Variants in LARP4B observed in about 807,000 individuals in gnomAD.
LARP4B encodes the protein la-related protein 4B.
Under a neutral mutation model 89.8 loss-of-function variants are expected in LARP4B, and 12 were observed. That is an observed-to-expected ratio of 0.13 (90% CI 0.09 to 0.22). The LOEUF is 0.22. LARP4B is among the 10% of genes least tolerant of loss of function. The pLI, the probability that LARP4B is intolerant of heterozygous loss-of-function variation, is 1.00. For missense variants in LARP4B, 757 were observed against 947.7 expected, an observed-to-expected ratio of 0.80 and a Z score of 2.64; for synonymous variants, 367 against 363.3, an observed-to-expected ratio of 1.01 and a Z score of -0.12.
chr10:813,013 CCTCTGGT>C lies in LARP4B; in HGVS notation c.2123_2129del (p.Asp708GlyfsTer43). 6.2e-7 allele frequency: 1 copy of C among 1,604,586 alleles called. No individual in the cohort carries two copies. The highest frequency in any genetic ancestry group is 8.5e-7 in the Non-Finnish European group (1 of 1,177,908). On this transcript the variant is annotated frameshift_variant, in exon 18 of 18. Coordinates refer to ENST00000316157, the MANE Select transcript of LARP4B (RefSeq NM_015155.3). LOFTEE classifies it high-confidence loss of function. ...GCGAGGGCCGGCCCCCCGCCGGCCG[CCTCTGGT>C]CTCTGGGGGCTCCAGGTGTGGACTT... is the stretch of plus-strand genomic sequence containing the variant.
the LARP4B span, among the ~76,000 whole-genome samples, chr10:961,869 CTG>C: frequency 3.3e-5 from 5 of 152,204 alleles, no homozygotes; most frequent in Non-Finnish European, 7.3e-5. Flanking sequence ...ACCTCCAACA[CTG>C]GGGATCATAT....
At chr10:894,539 T>C (rs2131965639) in intron 1 of LARP4B, among the ~76,000 whole-genome samples, 1 of 152,258 alleles carries the variant, frequency 6.6e-6, no homozygotes, top group East Asian at 1.9e-4. Flanking sequence ...GAAAAACTTT[T>C]AAGGTTGCCT....
chr10:932,866 C>T (rs1255686111), upstream of LARP4B, among the ~76,000 whole-genome samples: 1 of 151,300 alleles, frequency 6.6e-6, no homozygotes, highest in African/African-American at 2.4e-5. Context: ...ATCCCCAACC[C>T]CACACCTGGG....
chr10:949,601 C>T, the LARP4B span, among the ~76,000 whole-genome samples: 7 of 152,262 alleles, frequency 4.6e-5, no homozygotes, highest in African/African-American at 1.4e-4. Flanking sequence ...TCCTCACCCA[C>T]GTGCCGCTGC....
At chr10:895,024 A>C (rs1564435212) in intron 1 of LARP4B, among the ~76,000 whole-genome samples, 1 of 152,124 alleles carries the variant, frequency 6.6e-6, no homozygotes, top group East Asian at 1.9e-4. Flanking sequence ...TGTCTCTACT[A>C]AAATACAAAA....
intron 3 of LARP4B, among the ~76,000 whole-genome samples, chr10:878,795 T>C (rs139314700): frequency 1.3e-5 from 2 of 152,324 alleles, no homozygotes; most frequent in African/African-American, 4.8e-5. Flanking sequence ...CAAAGTTGAT[T>C]TATAAATCTA....
the LARP4B span, among the ~76,000 whole-genome samples, chr10:950,294 A>C: frequency 6.6e-6 from 1 of 152,212 alleles, no homozygotes; most frequent in Non-Finnish European, 1.5e-5. Flanking sequence ...GATGCTGGTA[A>C]GCAATCTTAT....
chr10:831,660 G>C (rs1002555168), intron 8 of LARP4B, among the ~76,000 whole-genome samples: 1 of 152,196 alleles, frequency 6.6e-6, no homozygotes, highest in African/African-American at 2.4e-5. Flanking sequence ...TAAACACACA[G>C]GATAGCAGGG....
intron 13 of LARP4B, among the ~76,000 whole-genome samples, chr10:824,216 G>A (rs1039261114): frequency 6.6e-5 from 10 of 152,226 alleles, no homozygotes; most frequent in Admixed American, 2.0e-4. Context: ...ACAATGGGCA[G>A]GTGCGGTGGC....
chr10:910,748 G>C (rs897460289), intron 1 of LARP4B, among the ~76,000 whole-genome samples: 1 of 152,168 alleles, frequency 6.6e-6, no homozygotes, highest in East Asian at 1.9e-4. Context: ...TGGTGGTTAC[G>C]TTTTATAGAG....
chr10:962,298 CAAAAAAAAAAA>C, the LARP4B span, among the ~76,000 whole-genome samples: 1 of 60,602 alleles, frequency 1.7e-5, no homozygotes, highest in Non-Finnish European at 3.5e-5. Flanking sequence ...ACTCCATCTC[CAAAAAAAAAAA>C]AAAAAAAAAA....
intron 1 of LARP4B, among the ~76,000 whole-genome samples, chr10:902,940 G>C (rs1002062515): frequency 6.6e-6 from 1 of 152,164 alleles, no homozygotes; most frequent in Non-Finnish European, 1.5e-5. Context: ...ACGGTGCCTG[G>C]CATAAAATCT....
intron 1 of LARP4B, among the ~76,000 whole-genome samples, chr10:929,658 T>C (rs1362796973): frequency 6.6e-6 from 1 of 152,136 alleles, no homozygotes; most frequent in African/African-American, 2.4e-5. Context: ...CATTTCCATG[T>C]TTGTGTTACA....
the LARP4B span, among the ~76,000 whole-genome samples, chr10:963,426 C>A: frequency 6.6e-6 from 1 of 152,174 alleles, no homozygotes; most frequent in South Asian, 2.1e-4. Context: ...GGAGCTGGGG[C>A]CCTGCCTCCA....
chr10:944,203 C>G, the LARP4B span, among the ~76,000 whole-genome samples: 1 of 152,034 alleles, frequency 6.6e-6, no homozygotes, highest in East Asian at 1.9e-4. Context: ...TACCAACCTC[C>G]GAACAGTGGC....
chr10:889,341 G>A (rs762524656), intron 1 of LARP4B, among the ~76,000 whole-genome samples: 5 of 152,024 alleles, frequency 3.3e-5, no homozygotes, highest in African/African-American at 7.2e-5. Context: ...AACCATCCCC[G>A]AGAGGACACC....
chr10:909,398 C>G (rs1443778816), intron 1 of LARP4B, among the ~76,000 whole-genome samples: 1 of 151,968 alleles, frequency 6.6e-6, no homozygotes, highest in African/African-American at 2.4e-5. Context: ...GGCATTACAC[C>G]TGCAGACCAG....
chr10:976,745 A>G, the LARP4B span, among the ~76,000 whole-genome samples: 2 of 147,804 alleles, frequency 1.4e-5, no homozygotes, highest in East Asian at 2.0e-4. Context: ...AGTAGAAGGT[A>G]GGCCTGTCGT....
At chr10:900,420 C>CTTCTTTTT (rs1836306176) in intron 1 of LARP4B, among the ~76,000 whole-genome samples, 1 of 45,230 alleles carries the variant, frequency 2.2e-5, no homozygotes, top group African/African-American at 8.7e-5. Context: ...AGAAGGATGT[C>CTTCTTTTT]TTTTTTTTTT....
Sources: allele counts gnomAD v4.1 joint callset (sites outside exome capture counted in the v4.1 genomes callset), GRCh38; gene constraint gnomAD v4.1.1; transcripts MANE v1.5; gene names NCBI Gene and HGNC (gene_info 2026-07-23, HGNC 2026-07-21).